Variants in ATP9B observed in about 807,000 individuals in gnomAD.
The protein encoded by ATP9B is ATPase phospholipid transporting 9B.
ATP9B carries 110 observed loss-of-function variants against 146.1 expected under a neutral mutation model. That is an observed-to-expected ratio of 0.75 (90% CI 0.65 to 0.88). The LOEUF (loss-of-function observed/expected upper bound fraction) is 0.88. Ranked by LOEUF, ATP9B falls within the 40% of genes least tolerant of loss-of-function variation. ATP9B has a pLI of 0.00. For synonymous variants in ATP9B, 604 were observed against 569.7 expected (o/e 1.06, Z -0.86); for missense variants, 1,499 against 1,496.4 (o/e 1.00, Z -0.03).
At position 79,174,314 on chromosome 18, in the gene ATP9B, C is replaced by T. The variant is rs902329123; in HGVS notation, c.779-2499C>T. 6.0e-5 allele frequency: 11 copies of T among 184,116 alleles called. 1 individual carries two copies. The Middle Eastern group carries it at 1.5e-3, about 24-fold the overall frequency. The allele number at this position is 184,116 out of a possible 1,614,324, so 11.4% of individuals were successfully genotyped here. A position where few individuals can be genotyped will look rare whatever the true frequency, so the allele number is the denominator to read the frequency against. Reference sequence around the variant, plus strand: ...ATTAAATGGCCAGTCTTGCTTCATCCGTATGTCTCATTTGGATGAAATCCT... The same window carrying T: ...ATTAAATGGCCAGTCTTGCTTCATCTGTATGTCTCATTTGGATGAAATCCT... On this transcript the variant is annotated intron_variant, in intron 7 of 29. Transcript: ENST00000426216.
In ATP9B at chr18:79,372,825, G is replaced by A; in HGVS notation, c.3013G>A (p.Gly1005Arg). ...YPELYKDLTK[G>R]RSLSFKTFLI... ...CGACGCTCTTCCACTGTTTCCCTAGGGAAGATCCTTGTCCTTCAAAACCTT... is the reference window on the plus strand; with the variant it reads ...CGACGCTCTTCCACTGTTTCCCTAGAGAAGATCCTTGTCCTTCAAAACCTT... The change falls in exon 27 of 30, where the codon GGA becomes AGA. Residue 1005 changes from glycine to arginine, a missense_variant and splice_region_variant. Coordinates refer to ENST00000426216, the MANE Select transcript of ATP9B (RefSeq NM_198531.5). The A allele has an allele frequency of 6.2e-7, 1 of 1,607,852 alleles. No individual in the cohort carries two copies. Among genetic ancestry groups the A allele is most frequent in the Non-Finnish European group, 8.5e-7 (1 of 1,174,344 alleles).
At chr18:79,200,788 T>TGGGGACTGTCGGGGTCAGAGCAG (rs370231088) in intron 9 of ATP9B, among the ~76,000 whole-genome samples, 1 of 35,458 alleles carries the variant, frequency 2.8e-5, no homozygotes, top group Non-Finnish European at 6.5e-5. Context: ...GAAGTAGTGG[T>TGGGGACTGTCGGGGTCAGAGCAG]GGAATTGTTT....
Position 79,307,918 on chromosome 18 carries a change from A to G in ATP9B, c.1773+684A>G, listed in dbSNP as rs1040702112. Among the ~76,000 whole-genome samples, 4 of 152,214 alleles carry G rather than the reference A, an allele frequency of 2.6e-5. No individual in the cohort carries two copies. In the East Asian group the frequency reaches 7.7e-4, roughly 29 times the overall value. ...TAATCAAGCCAACCACAGAAGCACT[A>G]TAAACCAACTAGTGTCTTCCGATAC... On this transcript the variant is annotated intron_variant, in intron 15 of 29. Transcript: ENST00000426216.
chr18:79,375,868 C>T (rs2097099133), intron 29 of ATP9B: 1 of 985,244 alleles, frequency 1.0e-6, no homozygotes, highest in South Asian at 4.7e-5. Flanking sequence ...CTTTTTATCC[C>T]ATCCGGCAAC....
At chr18:79,070,731 T>C (rs979096874) in intron 1 of ATP9B, among the ~76,000 whole-genome samples, 11 of 152,232 alleles carry the variant, frequency 7.2e-5, no homozygotes, top group Non-Finnish European at 1.2e-4. Flanking sequence ...GTCATCTCGG[T>C]GGATTGTTCC....
rs2096863915 is a variant in ATP9B, at chr18:79,342,341, C to A, written c.2357C>A (p.Thr786Lys). 6.2e-7 allele frequency: 1 copy of A among 1,613,124 alleles called. No individual in the cohort carries two copies. The highest frequency in any genetic ancestry group is 1.7e-5 in the Admixed American group (1 of 59,974). Residue 786 changes from threonine to lysine, a missense_variant, in exon 20 of 30, where the codon ACA (threonine) becomes AAA (lysine). Physicochemically the swap from Thr to Lys is moderately conservative, Grantham distance 78. Coordinates refer to ENST00000426216, the MANE Select transcript of ATP9B (RefSeq NM_198531.5). ...IAKSSHLVSR[T>K]QDIHIFRQVT... ...AAAAGTTCACATCTCGTGTCTAGAA[C>A]ACAAGATATTCATATTTTCAGACAG...
At chr18:79,287,697 A>G (rs1423211844) in intron 13 of ATP9B, among the ~76,000 whole-genome samples, 1 of 151,802 alleles carries the variant, frequency 6.6e-6, no homozygotes, top group Non-Finnish European at 1.5e-5. Flanking sequence ...TAGTTCTTTT[A>G]ATTGTGATGT....
At chr18:79,259,347 G>A (rs929388443) in intron 12 of ATP9B, among the ~76,000 whole-genome samples, 3 of 152,110 alleles carry the variant, frequency 2.0e-5, no homozygotes, top group Non-Finnish European at 2.9e-5. Flanking sequence ...TCTTTCGTCC[G>A]TATGCTTTGA....
intron 11 of ATP9B, among the ~76,000 whole-genome samples, chr18:79,226,084 A>G (rs1394838783): frequency 3.9e-5 from 6 of 152,210 alleles, no homozygotes; most frequent in Non-Finnish European, 2.9e-5. Context: ...CATAGTGCAG[A>G]GTTCAAGCTC....
intron 4 of ATP9B, among the ~76,000 whole-genome samples, chr18:79,118,622 G>A (rs899079987): frequency 7.9e-5 from 12 of 151,592 alleles, no homozygotes; most frequent in African/African-American, 2.9e-4. Context: ...GGATGGTCTC[G>A]ATCTCCTGAC....
intron 17 of ATP9B, among the ~76,000 whole-genome samples, chr18:79,333,673 G>A (rs940461026): frequency 1.3e-5 from 2 of 151,982 alleles, no homozygotes; most frequent in Non-Finnish European, 2.9e-5. Context: ...GGTCTTGGAG[G>A]TTACCAAAAT....
chr18:79,345,878 AG>A, intron 23 of ATP9B, 39 bp downstream of exon 23: 8 of 1,608,922 alleles, frequency 5.0e-6, no homozygotes, highest in Non-Finnish European at 6.8e-6. Flanking sequence ...GCACACAGTC[AG>A]CACACATCAA....
chr18:79,314,946 A>G lies in ATP9B; in HGVS notation c.1773+7712A>G, dbSNP rs1358389911. Among the ~76,000 whole-genome samples the G allele has an allele frequency of 3.9e-5, 6 of 152,310 alleles. No individual in the cohort carries two copies. In the South Asian group the frequency reaches 6.2e-4, roughly 16 times the overall value. ...GCGCTGAAGGCGTGGGGTGGAAGGA[A>G]CTTTGAAGACCGCCGGCTTCTTTTG... is the stretch of plus-strand genomic sequence containing the variant. On this transcript the variant is annotated intron_variant, in intron 15 of 29. Coordinates refer to ENST00000426216, the MANE Select transcript of ATP9B (RefSeq NM_198531.5).
chr18:79,243,713 T>G (rs1202894861), intron 11 of ATP9B, among the ~76,000 whole-genome samples: 2 of 152,242 alleles, frequency 1.3e-5, no homozygotes, highest in Non-Finnish European at 2.9e-5. Flanking sequence ...TCCTGATCAT[T>G]GTCATTTTGT....
chr18:79,225,035 A>G (rs1359612604), intron 11 of ATP9B, among the ~76,000 whole-genome samples: 2 of 152,144 alleles, frequency 1.3e-5, no homozygotes, highest in Non-Finnish European at 2.9e-5. Context: ...CCTGGTCTAC[A>G]TTGTATCTTA....
At chr18:79,363,591 G>C (rs2097005051) in intron 26 of ATP9B, 1 of 151,262 alleles carries the variant, frequency 6.6e-6, no homozygotes, top group African/African-American at 2.5e-5. Context: ...GGCGTAAGCA[G>C]ATGTTCATGG....
intron 11 of ATP9B, among the ~76,000 whole-genome samples, chr18:79,234,781 C>T (rs1029290123): frequency 2.0e-5 from 3 of 152,008 alleles, no homozygotes; most frequent in African/African-American, 4.8e-5. Context: ...AATCAACGGA[C>T]GGTATTTGGT....
chr18:79,087,424 A>G (rs1365595853), intron 1 of ATP9B: 1 of 152,258 alleles, frequency 6.6e-6, no homozygotes, highest in Non-Finnish European at 1.5e-5. Context: ...CTGCTTAGTA[A>G]TGACTTATCA....
intron 26 of ATP9B, among the ~76,000 whole-genome samples, chr18:79,369,935 C>A (rs1270676406): frequency 6.6e-6 from 1 of 152,044 alleles, no homozygotes; most frequent in East Asian, 1.9e-4. Flanking sequence ...CCCATCTCTA[C>A]TAAAAGTACA....
Sources: allele counts gnomAD v4.1 joint callset (sites outside exome capture counted in the v4.1 genomes callset), GRCh38; gene constraint gnomAD v4.1.1; transcripts MANE v1.5; gene names NCBI Gene and HGNC (gene_info 2026-07-23, HGNC 2026-07-21).